VWC2: variants seen among roughly 807,000 people sequenced by gnomAD.
VWC2 encodes brorin.
VWC2 carries 14 observed loss-of-function variants against 29.8 expected under a neutral mutation model. The ratio of observed to expected loss-of-function variants is 0.47; its 90% confidence interval spans 0.31 to 0.74. VWC2 has a LOEUF of 0.74. VWC2 is among the 30% of genes least tolerant of loss of function. VWC2 has a pLI of 0.05. For synonymous variants in VWC2, 213 were observed against 199.0 expected, an observed-to-expected ratio of 1.07 and a Z score of -0.59; for missense variants, 457 against 459.8, an observed-to-expected ratio of 0.99 and a Z score of 0.05.
At chr7:49,817,927 C>T (rs1789183519) in intron 3 of VWC2, among the ~76,000 whole-genome samples, 1 of 152,230 alleles carries the variant, frequency 6.6e-6, no homozygotes, top group African/African-American at 2.4e-5. Context: ...TTAAATGCCT[C>T]TGAAGAGTGT....
At chr7:49,806,926 A>G (rs1266385513) in intron 3 of VWC2, among the ~76,000 whole-genome samples, 1 of 152,218 alleles carries the variant, frequency 6.6e-6, no homozygotes, top group Non-Finnish European at 1.5e-5. Context: ...GGAATTTACA[A>G]ATATCAAAAT....
At chr7:49,827,697 CTAAGGCTCCTCTTAA>C (rs1484923808) in intron 3 of VWC2, among the ~76,000 whole-genome samples, 1 of 152,088 alleles carries the variant, frequency 6.6e-6, no homozygotes, top group Non-Finnish European at 1.5e-5. Flanking sequence ...AAGAGCAATT[CTAAGGCTCCTCTTAA>C]TAATGGCCTG....
intron 3 of VWC2, among the ~76,000 whole-genome samples, chr7:49,839,067 G>T (rs1396724959): frequency 1.3e-5 from 2 of 152,128 alleles, no homozygotes; most frequent in African/African-American, 4.8e-5. Context: ...AGAGACCCCA[G>T]AGCCCTCCCT....
chr7:49,793,406 C>T (rs957713550), intron 2 of VWC2, among the ~76,000 whole-genome samples: 1 of 151,948 alleles, frequency 6.6e-6, no homozygotes, highest in African/African-American at 2.4e-5. Context: ...CCATCCTGTC[C>T]CCTTTCCTTT....
chr7:49,804,392 G>A (rs1415291053), intron 3 of VWC2, among the ~76,000 whole-genome samples: 2 of 152,152 alleles, frequency 1.3e-5, no homozygotes, highest in East Asian at 3.9e-4. Context: ...TGCTGGGAGA[G>A]CTGAGGGCTG....
chr7:49,894,465 C>T (rs145059142), intron 3 of VWC2, among the ~76,000 whole-genome samples: 10 of 152,358 alleles, frequency 6.6e-5, no homozygotes, highest in Admixed American at 2.6e-4. Flanking sequence ...CTATGGCTTA[C>T]CATCCCTTGT....
intron 3 of VWC2, among the ~76,000 whole-genome samples, chr7:49,825,289 T>TC (rs1358606722): frequency 4.6e-5 from 7 of 152,324 alleles, no homozygotes; most frequent in Admixed American, 3.9e-4. Context: ...TCTTTAAACA[T>TC]CCCTTAATAG....
In VWC2 at chr7:49,911,480, C is replaced by CAAA. The variant is rs34782644; in HGVS notation, c.827-533_827-531dup. Among the ~76,000 whole-genome samples, 383 of 71,040 alleles carry CAAA rather than the reference C, an allele frequency of 5.4e-3. 11 individuals are homozygous for CAAA. The highest frequency in any genetic ancestry group is 0.015 in the African/African-American group (245 of 16,034). 46.6% of individuals were successfully genotyped at this position (71,040 alleles called of 152,430 possible). A position where few individuals can be genotyped will look rare whatever the true frequency, so the allele number is the denominator to read the frequency against. On this transcript the variant is annotated intron_variant, in intron 3 of 3. Transcript: ENST00000340652. ...CTGGTGACAGAGCAAGACTCTGTCT[C>CAAA]AAAAAAAAAAAAAAAAAAAAAAATT...
intron 3 of VWC2, among the ~76,000 whole-genome samples, chr7:49,858,759 A>G (rs1202537649): frequency 6.6e-6 from 1 of 152,210 alleles, no homozygotes. Context: ...AAGATTATGC[A>G]TTTACCTTCA....
At chr7:49,878,659 G>A (rs1791546750) in intron 3 of VWC2, among the ~76,000 whole-genome samples, 1 of 151,902 alleles carries the variant, frequency 6.6e-6, no homozygotes, top group Non-Finnish European at 1.5e-5. Flanking sequence ...TTTTCCTCCT[G>A]GTTTCTCTTA....
intron 2 of VWC2, among the ~76,000 whole-genome samples, chr7:49,786,034 C>T (rs1023031660): frequency 1.1e-4 from 16 of 152,190 alleles, no homozygotes; most frequent in African/African-American, 3.9e-4. Flanking sequence ...TATTTGTTAC[C>T]TGGGTATATA....
intron 3 of VWC2, among the ~76,000 whole-genome samples, chr7:49,874,130 T>C (rs1791295939): frequency 6.6e-6 from 1 of 152,116 alleles, no homozygotes; most frequent in Non-Finnish European, 1.5e-5. Context: ...CCTTGCTCTA[T>C]GTGTTGTAGC....
intron 2 of VWC2, among the ~76,000 whole-genome samples, chr7:49,790,559 G>A (rs1315955158): frequency 1.5e-4 from 23 of 152,148 alleles, no homozygotes; most frequent in Non-Finnish European, 7.3e-5. Context: ...GGTAGCTTGT[G>A]GATCAACTTC....
rs76482498 is a variant in VWC2 at position 49,814,078 on chromosome 7, T to C, written c.826+11238T>C. ...CAAGAACTCTACTCTGAAGTGCTAA[T>C]GTACTTATTTTACACGTGTCTTCTG... On this transcript the variant is annotated intron_variant, in intron 3 of 3. Transcript: ENST00000340652. Among the ~76,000 whole-genome samples the C allele has an allele frequency of 4.6e-4, 70 of 152,350 alleles. No homozygotes were observed. In the East Asian group the frequency reaches 0.011, roughly 24 times the overall value.
In VWC2 at chr7:49,914,190, C is replaced by T. The variant is rs1793603018; in HGVS notation, c.*2005C>T. 6.6e-6 allele frequency: 1 copy of T among 152,236 alleles called. No homozygotes were observed. The highest frequency in any genetic ancestry group is 2.4e-5 in the African/African-American group (1 of 41,458). The allele number at this position is 152,236 out of a possible 1,614,324, so 9.4% of individuals were successfully genotyped here. A position where few individuals can be genotyped will look rare whatever the true frequency, so the allele number is the denominator to read the frequency against. ...AGGTGGGCCATTAGTAACCTCTTCT[C>T]TCTCCATCAGGCATGATGCAGTTAG... On this transcript the variant is annotated 3_prime_UTR_variant, in exon 4 of 4. Transcript: ENST00000340652.
At chr7:49,795,945 G>T (rs114515200) in intron 2 of VWC2, among the ~76,000 whole-genome samples, 1 of 152,050 alleles carries the variant, frequency 6.6e-6, no homozygotes, top group African/African-American at 2.4e-5. Context: ...GGCTCCAGGG[G>T]GTCCAGAGAC....
At chr7:49,821,987 T>G in intron 3 of VWC2, among the ~76,000 whole-genome samples, 1 of 152,216 alleles carries the variant, frequency 6.6e-6, no homozygotes, top group East Asian at 1.9e-4. Context: ...CATCTTTTTA[T>G]GAATATAAAA....
At chr7:49,803,100 GTCAC>G (rs1788783419) in intron 3 of VWC2, among the ~76,000 whole-genome samples, 1 of 152,334 alleles carries the variant, frequency 6.6e-6, no homozygotes, top group East Asian at 1.9e-4. Context: ...TTTGAGGAGA[GTCAC>G]TTATTTTAAT....
chr7:49,794,618 G>A (rs1788543659), intron 2 of VWC2, among the ~76,000 whole-genome samples: 1 of 152,186 alleles, frequency 6.6e-6, no homozygotes, highest in Non-Finnish European at 1.5e-5. Flanking sequence ...AGTTGGTCTT[G>A]TCTTATGGTG....
Sources: allele counts gnomAD v4.1 joint callset (sites outside exome capture counted in the v4.1 genomes callset), GRCh38; gene constraint gnomAD v4.1.1; transcripts MANE v1.5; gene names NCBI Gene and HGNC (gene_info 2026-07-23, HGNC 2026-07-21).